MAK16: variants seen among roughly 807,000 people sequenced by gnomAD.
MAK16 encodes MAK16 homolog, also known as protein MAK16 homolog.
A neutral mutation model predicts 49.9 loss-of-function variants in MAK16; 12 were observed. The ratio of observed to expected loss-of-function variants is 0.24; its 90% confidence interval spans 0.15 to 0.39. The LOEUF is 0.39. Ranked by LOEUF, MAK16 falls within the 10% of genes least tolerant of loss-of-function variation. The pLI is 1.00. For synonymous variants in MAK16, 115 were observed against 126.4 expected (o/e 0.91, Z 0.60); for missense variants, 292 against 363.7 (o/e 0.80, Z 1.60).
rs1808987645 is a variant in MAK16 at position 33,499,563 on chromosome 8, T to G, written c.*934T>G. The G allele has an allele frequency of 3.0e-6, 1 of 331,758 alleles. No individual in the cohort carries two copies. Among genetic ancestry groups the G allele is most frequent in the East Asian group, 6.5e-5 (1 of 15,308 alleles). The allele number at this position is 331,758 out of a possible 1,614,324, so 20.6% of individuals were successfully genotyped here. ...TCCAGCCAAGGCAAATTCAGTTGGA[T>G]CTAGGGCTTGAAAACTGCCCAAGAT... On this transcript the variant is annotated 3_prime_UTR_variant, in exon 10 of 10. Coordinates refer to ENST00000360128, the MANE Select transcript of MAK16 (RefSeq NM_032509.4).
chr8:33,500,657 T>G lies in MAK16; in HGVS notation c.*2028T>G, dbSNP rs1330895977. On this transcript the variant is annotated 3_prime_UTR_variant, in exon 10 of 10. Coordinates refer to ENST00000360128, the MANE Select transcript of MAK16 (RefSeq NM_032509.4). ...ACAGAACCAAAGACAGCCTCTAGAT[T>G]TCTTACCCTCAAGTCTCCTGTTAGC... is the stretch of plus-strand genomic sequence containing the variant. The G allele has an allele frequency of 2.7e-6, 2 of 736,392 alleles. No homozygotes were observed. Among genetic ancestry groups the G allele is most frequent in the African/African-American group, 3.6e-5 (2 of 56,128 alleles). 45.6% of individuals were successfully genotyped at this position (736,392 alleles called of 1,614,324 possible).
At chr8:33,497,333 T>C (rs753520990) in intron 9 of MAK16, 36 bp downstream of exon 9, 8 of 1,030,542 alleles carry the variant, frequency 7.8e-6, no homozygotes, top group Middle Eastern at 2.6e-4. Context: ...TCCTTTGGCC[T>C]GCAGCAAAAA....
intron 6 of MAK16, 72 bp downstream of exon 6, chr8:33,490,411 T>G: frequency 8.1e-7 from 1 of 1,241,946 alleles, no homozygotes; most frequent in South Asian, 1.2e-5. Flanking sequence ...TCAGTCACCA[T>G]CATTATGTAA....
At chr8:33,491,634 T>TC (rs1436783324) in intron 6 of MAK16, among the ~76,000 whole-genome samples, 2 of 143,602 alleles carry the variant, frequency 1.4e-5, no homozygotes, top group African/African-American at 5.2e-5. Context: ...CTGCTTTTTT[T>TC]TTTTTTTTTT....
In MAK16 at chr8:33,489,447, G is replaced by A. The variant is rs1218785081; in HGVS notation, c.392+308G>A. ...TGGAATTTGCAGTGGCGCGACCTCA[G>A]CTCACTGCAACCTCCATCTCCCCGG... On this transcript the variant is annotated intron_variant, in intron 5 of 9. Transcript: ENST00000360128. The surrounding 1 kb of genome is among the most constrained non-coding windows in gnomAD (Gnocchi z 4.2). Among the ~76,000 whole-genome samples, 1 of 152,122 alleles carries A rather than the reference G, an allele frequency of 6.6e-6. No homozygotes were observed. Among genetic ancestry groups the A allele is most frequent in the Non-Finnish European group, 1.5e-5 (1 of 68,032 alleles).
chr8:33,499,150 C>A lies in MAK16; in HGVS notation c.*521C>A. 1 of 1,581,200 alleles carries A rather than the reference C, an allele frequency of 6.3e-7. No homozygotes were observed. The highest frequency in any genetic ancestry group is 8.7e-7 in the Non-Finnish European group (1 of 1,150,140). On this transcript the variant is annotated 3_prime_UTR_variant, in exon 10 of 10. Coordinates refer to ENST00000360128, the MANE Select transcript of MAK16 (RefSeq NM_032509.4). ...ATTGGGATGGGAAGAAAATCCTTTC[C>A]TCTTGGGAAAGTAATACAAGTCTTA...
chr8:33,497,142 GTTCTCA>G, intron 8 of MAK16, 84 bp from the exon 9 acceptor site: 1 of 958,528 alleles, frequency 1.0e-6, no homozygotes, highest in Non-Finnish European at 1.6e-6. Flanking sequence ...AAAGACTGTG[GTTCTCA>G]TTATGTTATT....
chr8:33,490,437 G>A, intron 6 of MAK16, 98 bp downstream of exon 6: 1 of 861,696 alleles, frequency 1.2e-6, no homozygotes, highest in Non-Finnish European at 1.8e-6. Context: ...TGAGGCCTTG[G>A]ATAATGGTTC....
At position 33,489,636 on chromosome 8, in the gene MAK16, A is replaced by G. The variant is rs888911558; in HGVS notation, c.392+497A>G. ...CTCAAGCGATCCGCCTTAGCCTCCC[A>G]AAGTGCTGGGATTACAGGCATGAGC... On this transcript the variant is annotated intron_variant, in intron 5 of 9. Coordinates refer to ENST00000360128, the MANE Select transcript of MAK16 (RefSeq NM_032509.4). This position sits in a 1 kb window ranked among gnomAD's most constrained non-coding sequence, Gnocchi z 4.2. 4.6e-5 allele frequency among the ~76,000 whole-genome samples: 7 copies of G among 152,146 alleles called. No homozygotes were observed. Among genetic ancestry groups the G allele is most frequent in the Admixed American group, 3.3e-4 (5 of 15,258 alleles).
Position 33,500,543 on chromosome 8 carries a change from TG to T in MAK16, c.*1916del, listed in dbSNP as rs1809037475. On this transcript the variant is annotated 3_prime_UTR_variant, in exon 10 of 10. Transcript: ENST00000360128. ...ATACTCTAAATCTGGATATTAAAAT[TG>T]GAAGAGACTTCAAAGACTGTCAAGT... The T allele has an allele frequency of 1.9e-6, 3 of 1,600,830 alleles. No homozygotes were observed. Among genetic ancestry groups the T allele is most frequent in the South Asian group, 1.1e-5 (1 of 90,178 alleles).
chr8:33,499,405 A>G lies in MAK16; in HGVS notation c.*776A>G. The G allele has an allele frequency of 1.4e-6, 1 of 711,730 alleles. No homozygotes were observed. Among genetic ancestry groups the G allele is most frequent in the Non-Finnish European group, 2.5e-6 (1 of 402,258 alleles). 44.1% of individuals were successfully genotyped at this position (711,730 alleles called of 1,614,324 possible). On this transcript the variant is annotated 3_prime_UTR_variant, in exon 10 of 10. Transcript: ENST00000360128. ...AATGGATGACACTTAGGGACAGGTC[A>G]CTAAGCAGAATAGGTATTAGTTGGT...
At chr8:33,495,428 AG>A in intron 6 of MAK16, 113 bp from the exon 7 acceptor site, 1 of 835,228 alleles carries the variant, frequency 1.2e-6, no homozygotes. Flanking sequence ...ATTAGCAAGG[AG>A]GGGAAATAAT....
chr8:33,485,231 C>T lies in MAK16; in HGVS notation c.15+10C>T, dbSNP rs746938381. 4.3e-6 allele frequency: 7 copies of T among 1,614,228 alleles called. No individual in the cohort carries two copies. The South Asian group carries it at 5.5e-5, about 13-fold the overall frequency. ...CATGCAGTCGGATGATGTGAGTCTC[C>T]TCCGGTTGTTCTTACACCCGGGGTT... On this transcript the variant is annotated intron_variant, in intron 1 of 9. Coordinates refer to ENST00000360128, the MANE Select transcript of MAK16 (RefSeq NM_032509.4).
chr8:33,497,862 G>A (rs372412599), intron 9 of MAK16, among the ~76,000 whole-genome samples: 1 of 151,504 alleles, frequency 6.6e-6, no homozygotes, highest in South Asian at 2.1e-4. Context: ...TTGGGAGGCC[G>A]AGGTGGGCGG....
Position 33,500,667 on chromosome 8 carries a change from C to T in MAK16, c.*2038C>T, listed in dbSNP as rs537407595. ...AGACAGCCTCTAGATTTCTTACCCT[C>T]AAGTCTCCTGTTAGCATACTGCCTA... On this transcript the variant is annotated 3_prime_UTR_variant, in exon 10 of 10. Coordinates refer to ENST00000360128, the MANE Select transcript of MAK16 (RefSeq NM_032509.4). 1.5e-6 allele frequency: 1 copy of T among 668,442 alleles called. No homozygotes were observed. Among genetic ancestry groups the T allele is most frequent in the Non-Finnish European group, 2.5e-6 (1 of 407,668 alleles). The allele number at this position is 668,442 out of a possible 1,614,324, so 41.4% of individuals were successfully genotyped here.
rs1809021503 is a variant in MAK16 at position 33,500,337 on chromosome 8, T to A, written c.*1708T>A. ...TTTCAGTCTGCCTTACCTTTACCCG[T>A]CCTTGAGAACAGCGGTCCAGGAGAA... is the stretch of plus-strand genomic sequence containing the variant. On this transcript the variant is annotated 3_prime_UTR_variant, in exon 10 of 10. Transcript: ENST00000360128. The A allele has an allele frequency of 1.9e-6, 3 of 1,614,080 alleles. No individual in the cohort carries two copies. Among genetic ancestry groups the A allele is most frequent in the South Asian group, 1.1e-5 (1 of 91,080 alleles).
intron 6 of MAK16, among the ~76,000 whole-genome samples, chr8:33,491,075 G>A (rs1178821043): frequency 6.6e-6 from 1 of 152,128 alleles, no homozygotes; most frequent in Non-Finnish European, 1.5e-5. Context: ...TTAACATAAT[G>A]ACCTCCGGTT....
At chr8:33,491,915 T>A (rs1309768046) in intron 6 of MAK16, among the ~76,000 whole-genome samples, 1 of 152,158 alleles carries the variant, frequency 6.6e-6, no homozygotes, top group Non-Finnish European at 1.5e-5. Context: ...ATTACAGGTG[T>A]GAGCCACCAT....
In MAK16 at chr8:33,489,403, C is replaced by G. The variant is rs1808742507; in HGVS notation, c.392+264C>G. On this transcript the variant is annotated intron_variant, in intron 5 of 9. Coordinates refer to ENST00000360128, the MANE Select transcript of MAK16 (RefSeq NM_032509.4). The surrounding 1 kb of genome is among the most constrained non-coding windows in gnomAD (Gnocchi z 4.2). ...ATTTTCTTTTTTGTTAAGACGGAGT[C>G]TCACTCTGTCGCCCAGGCTGGAATT... 5.8e-6 allele frequency: 2 copies of G among 344,964 alleles called. No individual in the cohort carries two copies. The highest frequency in any genetic ancestry group is 6.7e-5 in the South Asian group (2 of 29,900). 21.4% of individuals were successfully genotyped at this position (344,964 alleles called of 1,614,324 possible).
Sources: allele counts gnomAD v4.1 joint callset (sites outside exome capture counted in the v4.1 genomes callset), GRCh38; gene constraint gnomAD v4.1.1; non-coding constraint Gnocchi (gnomAD v3.1); transcripts MANE v1.5; gene names NCBI Gene and HGNC (gene_info 2026-07-23, HGNC 2026-07-21).